Variants in TMEM132D observed in about 807,000 individuals in gnomAD.
The protein encoded by TMEM132D is mature OL transmembrane protein.
A neutral mutation model predicts 62.3 loss-of-function variants in TMEM132D; 21 were observed. The ratio of observed to expected loss-of-function variants is 0.34; its 90% CI spans 0.24 to 0.49. TMEM132D has a LOEUF of 0.49. Among genes scored for constraint, TMEM132D ranks in the 20% least tolerant of loss-of-function variants. TMEM132D has a pLI of 0.99. For synonymous variants in TMEM132D, 621 were observed against 575.6 expected, an observed-to-expected ratio of 1.08 and a Z score of -1.13; for missense variants, 1,346 against 1,402.8, an observed-to-expected ratio of 0.96 and a Z score of 0.65.
At chr12:129,126,067 G>A (rs1214010671) in intron 5 of TMEM132D, among the ~76,000 whole-genome samples, 2 of 152,186 alleles carry the variant, frequency 1.3e-5, no homozygotes, top group Non-Finnish European at 2.9e-5. Context: ...CTTGGGGATT[G>A]CATGTGCTCA....
chr12:129,432,850 T>C (rs1413926991), intron 3 of TMEM132D, among the ~76,000 whole-genome samples: 1 of 152,152 alleles, frequency 6.6e-6, no homozygotes, highest in East Asian at 1.9e-4. Flanking sequence ...CAGTGCAAGG[T>C]GAACAATGTT....
chr12:129,793,445 C>T (rs1238425983), intron 1 of TMEM132D, among the ~76,000 whole-genome samples: 4 of 152,146 alleles, frequency 2.6e-5, no homozygotes, highest in East Asian at 1.9e-4. Flanking sequence ...GATCATGGCT[C>T]CTTGCAGCCT....
intron 5 of TMEM132D, among the ~76,000 whole-genome samples, chr12:129,115,654 G>A (rs1875870802): frequency 6.6e-6 from 1 of 152,214 alleles, no homozygotes; most frequent in Non-Finnish European, 1.5e-5. Context: ...GTGAGTCAGG[G>A]CTAGGTGGAC....
rs1870585813 is a variant in TMEM132D, at chr12:129,371,148, C to T, written c.1116-33331G>A. On this transcript the variant is annotated intron_variant, in intron 3 of 8. Transcript: ENST00000422113. This position sits in a 1 kb window ranked among gnomAD's most constrained non-coding sequence, Gnocchi z 4.3. ...CAAAATATGTACAACTATGACAAAT[C>T]AATAAAAAAGTACAAAAGACTTGCT... Among the ~76,000 whole-genome samples, 1 of 152,094 alleles carries T rather than the reference C, an allele frequency of 6.6e-6. No individual in the cohort carries two copies. The highest frequency in any genetic ancestry group is 2.4e-5 in the African/African-American group (1 of 41,416).
rs386378228 is a variant in TMEM132D, at chr12:129,335,127, CTTT to C, written c.1299+2504_1299+2506del. 7.2e-3 allele frequency among the ~76,000 whole-genome samples: 755 copies of C among 104,656 alleles called. 3 individuals carry two copies. The highest frequency in any genetic ancestry group is 0.026 in the African/African-American group (708 of 26,900). The allele number at this position is 104,656 out of a possible 152,430, so 68.7% of individuals were successfully genotyped here. A position where few individuals can be genotyped will look rare whatever the true frequency, so the allele number is the denominator to read the frequency against. On this transcript the variant is annotated intron_variant, in intron 4 of 8. Transcript: ENST00000422113. ...TATAGGCTGGGTACTCTAATAAGTA[CTTT>C]TTTTTTTTTTTTTTTTTTTGAGGCA...
chr12:129,728,515 C>A (rs116531183), intron 1 of TMEM132D, among the ~76,000 whole-genome samples: 10 of 152,304 alleles, frequency 6.6e-5, no homozygotes, highest in Admixed American at 6.5e-4. Context: ...CAGTAAGGAA[C>A]TGGGGAATAT....
At chr12:129,102,078 G>C (rs1185593508) in intron 5 of TMEM132D, among the ~76,000 whole-genome samples, 2 of 151,506 alleles carry the variant, frequency 1.3e-5, no homozygotes, top group African/African-American at 2.4e-5. Flanking sequence ...TGGGGAGTGA[G>C]ATGGAGAAGG....
chr12:129,616,243 G>A (rs1878914869), intron 2 of TMEM132D, among the ~76,000 whole-genome samples: 1 of 152,158 alleles, frequency 6.6e-6, no homozygotes, highest in South Asian at 2.1e-4. Flanking sequence ...GTAGCCTTCA[G>A]CCATTTCTGA....
chr12:129,161,207 G>C (rs1161943166), intron 5 of TMEM132D, among the ~76,000 whole-genome samples: 4 of 152,198 alleles, frequency 2.6e-5, no homozygotes, highest in African/African-American at 4.8e-5. Flanking sequence ...CCTCCTGGGA[G>C]AGTCCAAGAG....
At chr12:129,155,139 A>T (rs891939698) in intron 5 of TMEM132D, among the ~76,000 whole-genome samples, 2 of 152,254 alleles carry the variant, frequency 1.3e-5, no homozygotes, top group African/African-American at 4.8e-5. Context: ...GAATGCACAG[A>T]TGCCAGTAAT....
chr12:129,420,875 T>C (rs1872299134), intron 3 of TMEM132D, among the ~76,000 whole-genome samples: 1 of 152,126 alleles, frequency 6.6e-6, no homozygotes, highest in Non-Finnish European at 1.5e-5. Context: ...GGTATGGAGT[T>C]TGATGTGGGT....
chr12:129,304,236 C>T (rs1412363062), intron 4 of TMEM132D, among the ~76,000 whole-genome samples: 2 of 152,224 alleles, frequency 1.3e-5, no homozygotes, highest in Non-Finnish European at 2.9e-5. Context: ...TGCCTGACAA[C>T]TCTACACTTG....
chr12:129,154,790 G>C (rs1173936918), intron 5 of TMEM132D, among the ~76,000 whole-genome samples: 1 of 152,024 alleles, frequency 6.6e-6, no homozygotes, highest in East Asian at 1.9e-4. Context: ...GAGTCTGTTG[G>C]TTCTCACAGT....
intron 2 of TMEM132D, among the ~76,000 whole-genome samples, chr12:129,558,459 A>ATCAGGGGGCT: frequency 6.6e-6 from 1 of 152,222 alleles, no homozygotes; most frequent in South Asian, 2.1e-4. Context: ...AGGGGTAAGG[A>ATCAGGGGGCT]TCAGGGGGCT....
intron 1 of TMEM132D, among the ~76,000 whole-genome samples, chr12:129,835,093 G>A (rs952966216): frequency 1.6e-4 from 24 of 152,252 alleles, no homozygotes; most frequent in African/African-American, 5.1e-4. Context: ...ACAAAGACAC[G>A]GGATATTTGA....
In TMEM132D at chr12:129,078,449, G is replaced by A. The variant is rs114755777; in HGVS notation, c.2115+85C>T. 2,062 of 1,396,396 alleles carry A rather than the reference G, an allele frequency of 1.5e-3. 17 individuals carry two copies. In the African/African-American group the frequency reaches 0.024, roughly 16 times the overall value. The allele number at this position is 1,396,396 out of a possible 1,614,324, so 86.5% of individuals were successfully genotyped here. ...GATATATGATCCCACTCTATTGTGC[G>A]ACCCGCCTGGCGTGGTGCCTGCCTG... On this transcript the variant is annotated intron_variant, in intron 8 of 8. Coordinates refer to ENST00000422113, the MANE Select transcript of TMEM132D (RefSeq NM_133448.3).
chr12:129,539,722 C>T (rs1876533395), intron 2 of TMEM132D, among the ~76,000 whole-genome samples: 2 of 152,026 alleles, frequency 1.3e-5, no homozygotes, highest in Non-Finnish European at 2.9e-5. Context: ...TGGAATTTTC[C>T]ATTTAATGTT....
chr12:129,175,728 A>T (rs892483669), intron 5 of TMEM132D, among the ~76,000 whole-genome samples: 2 of 152,216 alleles, frequency 1.3e-5, no homozygotes, highest in African/African-American at 4.8e-5. Flanking sequence ...AGGCAAAGCC[A>T]TCTTGCTGTT....
intron 5 of TMEM132D, among the ~76,000 whole-genome samples, chr12:129,114,070 C>T (rs1875809582): frequency 6.6e-6 from 1 of 152,138 alleles, no homozygotes; most frequent in Non-Finnish European, 1.5e-5. Flanking sequence ...CAGGTACAGA[C>T]ATCCCTCAGC....
Sources: allele counts gnomAD v4.1 joint callset (sites outside exome capture counted in the v4.1 genomes callset), GRCh38; gene constraint gnomAD v4.1.1; non-coding constraint Gnocchi (gnomAD v3.1); transcripts MANE v1.5; gene names NCBI Gene and HGNC (gene_info 2026-07-23, HGNC 2026-07-21).